The following DENND1A variants were observed in gnomAD, a reference collection of about 807,000 sequenced individuals.
DENND1A encodes DENN domain-containing protein 1A.
In DENND1A, 51 loss-of-function variants were observed where a neutral mutation model predicts 113.7. The observed-to-expected ratio is 0.45, with a 90% CI of 0.36 to 0.57. The LOEUF (loss-of-function observed/expected upper bound fraction) is 0.57, where lower values mean the gene tolerates loss of function less well. DENND1A is among the 20% of genes least tolerant of loss of function. The pLI is 0.00. For missense variants in DENND1A, 1,258 were observed against 1,395.9 expected (o/e 0.90, Z 1.57); for synonymous variants, 565 against 570.8 (o/e 0.99, Z 0.14).
intron 10 of DENND1A, among the ~76,000 whole-genome samples, chr9:123,622,081 G>A (rs1269516232): frequency 6.6e-6 from 1 of 152,092 alleles, no homozygotes; most frequent in Non-Finnish European, 1.5e-5. Flanking sequence ...GAAATATGAG[G>A]CATTTTACAA....
chr9:123,389,860 G>A (rs952243076), intron 21 of DENND1A, among the ~76,000 whole-genome samples: 7 of 152,216 alleles, frequency 4.6e-5, no homozygotes, highest in African/African-American at 9.6e-5. Context: ...TGGGGAGCTC[G>A]TGGGATGCAC....
intron 2 of DENND1A, chr9:123,843,132 A>T: frequency 1.8e-6 from 1 of 550,276 alleles, no homozygotes; most frequent in Admixed American, 1.9e-5. Flanking sequence ...CTTCTTGGAG[A>T]ACTTCTCAAT....
At chr9:123,881,692 A>T (rs1848335729) in intron 1 of DENND1A, among the ~76,000 whole-genome samples, 1 of 152,210 alleles carries the variant, frequency 6.6e-6, no homozygotes, top group Non-Finnish European at 1.5e-5. Context: ...ACACCAACAC[A>T]TTATCCTGTA....
chr9:123,909,423 A>C (rs1473558842), intron 1 of DENND1A, among the ~76,000 whole-genome samples: 1 of 150,864 alleles, frequency 6.6e-6, no homozygotes, highest in Non-Finnish European at 1.5e-5. Flanking sequence ...TAAATAAAAA[A>C]ACTGGAAAAA....
At chr9:123,773,305 G>A (rs984130243) in intron 3 of DENND1A, among the ~76,000 whole-genome samples, 2 of 152,086 alleles carry the variant, frequency 1.3e-5, no homozygotes, top group East Asian at 1.9e-4. Context: ...CACACCTAAC[G>A]CTGGATACAC....
intron 13 of DENND1A, among the ~76,000 whole-genome samples, chr9:123,553,398 C>CT (rs926712840): frequency 2.2e-5 from 1 of 45,594 alleles, no homozygotes; most frequent in Non-Finnish European, 4.1e-5. Context: ...TTTTTAAAAG[C>CT]CGCCCCCCCC....
intron 1 of DENND1A, among the ~76,000 whole-genome samples, chr9:123,904,050 G>A (rs576620502): frequency 6.6e-6 from 1 of 152,208 alleles, no homozygotes; most frequent in East Asian, 1.9e-4. Flanking sequence ...GCCTCCTCAA[G>A]TGGTTCCCTG....
intron 2 of DENND1A, among the ~76,000 whole-genome samples, chr9:123,802,273 G>A (rs1265091594): frequency 1.3e-5 from 2 of 152,148 alleles, no homozygotes; most frequent in Admixed American, 1.3e-4. Flanking sequence ...CTGGCCTGGA[G>A]GTGGGATAGA....
At chr9:123,576,718 G>A (rs1403767054) in intron 12 of DENND1A, among the ~76,000 whole-genome samples, 1 of 152,132 alleles carries the variant, frequency 6.6e-6, no homozygotes, top group African/African-American at 2.4e-5. Flanking sequence ...TTGAACTCCT[G>A]ACCTCAGGTG....
rs371886553 is a variant in DENND1A at position 123,452,336 on chromosome 9, T to C, written c.1239A>G (p.Gly413=). ...QWLSTVRKGS[G]AILNTVKTKA... is the part of the protein sequence containing the mutation. Reference sequence around the variant, plus strand: ...TGGTCTTTACAGTATTCAGAATTGCTCCACTTCCTTTCTATAATAAAAATG... The same window carrying C: ...TGGTCTTTACAGTATTCAGAATTGCCCCACTTCCTTTCTATAATAAAAATG... The change falls in exon 17 of 24, where the codon GGA becomes GGG. Residue 413 remains glycine, a synonymous_variant. Coordinates refer to ENST00000394215, the MANE Select transcript of DENND1A (RefSeq NM_001352964.2). 6.2e-7 allele frequency: 1 copy of C among 1,614,128 alleles called. No individual in the cohort carries two copies. Among genetic ancestry groups the C allele is most frequent in the African/African-American group, 1.3e-5 (1 of 74,942 alleles).
At chr9:123,408,881 C>T (rs1156788740) in intron 20 of DENND1A, among the ~76,000 whole-genome samples, 1 of 152,222 alleles carries the variant, frequency 6.6e-6, no homozygotes, top group East Asian at 1.9e-4. Context: ...GGGAATGATC[C>T]TTCCCTGAAT....
chr9:123,564,980 CTTTTTTTTTTT>C (rs199613371), intron 12 of DENND1A, among the ~76,000 whole-genome samples: 1 of 75,746 alleles, frequency 1.3e-5, no homozygotes, highest in Non-Finnish European at 2.5e-5. Context: ...TCTGTCCCTT[CTTTTTTTTTTT>C]TTTTTTTTTT....
chr9:123,515,634 T>C (rs960307660), intron 13 of DENND1A, among the ~76,000 whole-genome samples: 3 of 152,200 alleles, frequency 2.0e-5, no homozygotes, highest in Non-Finnish European at 4.4e-5. Context: ...AATGAAAAGT[T>C]GAAGGAAAAA....
At chr9:123,621,707 A>C (rs1049338856) in intron 10 of DENND1A, among the ~76,000 whole-genome samples, 6 of 152,126 alleles carry the variant, frequency 3.9e-5, no homozygotes, top group African/African-American at 1.2e-4. Flanking sequence ...CTTCCGCCGC[A>C]CCACACTTTC....
At chr9:123,534,242 C>G (rs1050442175) in intron 13 of DENND1A, among the ~76,000 whole-genome samples, 8 of 152,180 alleles carry the variant, frequency 5.3e-5, no homozygotes, top group African/African-American at 1.7e-4. Context: ...GACTTTTTCT[C>G]AATTCTGTTT....
intron 22 of DENND1A, among the ~76,000 whole-genome samples, chr9:123,386,778 C>T (rs1273263007): frequency 2.0e-5 from 3 of 152,122 alleles, no homozygotes. Context: ...ACCCTCTGAC[C>T]CTGTGGGGTC....
At chr9:123,386,436 C>T (rs1010687207) in intron 22 of DENND1A, among the ~76,000 whole-genome samples, 2 of 146,994 alleles carry the variant, frequency 1.4e-5, no homozygotes, top group South Asian at 2.1e-4. Context: ...GGTTGGAGTA[C>T]AGCAGTGTGA....
intron 12 of DENND1A, among the ~76,000 whole-genome samples, chr9:123,564,156 C>T (rs1441249515): frequency 1.3e-5 from 2 of 152,204 alleles, no homozygotes; most frequent in Admixed American, 1.3e-4. Flanking sequence ...TATTCTTTAG[C>T]CCTTTATATA....
At chr9:123,575,402 A>C (rs2058581847) in intron 12 of DENND1A, among the ~76,000 whole-genome samples, 1 of 152,192 alleles carries the variant, frequency 6.6e-6, no homozygotes, top group South Asian at 2.1e-4. Flanking sequence ...ATGAACTGGC[A>C]CCAATCCACA....
Sources: gnomAD v4.1 joint callset for allele counts (sites outside exome capture counted in the v4.1 genomes callset) on GRCh38, gnomAD v4.1.1 for gene constraint, MANE v1.5 for transcripts, NCBI Gene and HGNC (gene_info 2026-07-23, HGNC 2026-07-21) for gene names.